Variants in NRG4 observed in about 807,000 individuals in gnomAD.
NRG4 encodes the protein neuregulin 4.
In NRG4, 10 loss-of-function variants were observed where a neutral mutation model predicts 15.0. The observed-to-expected ratio is 0.67, with a 90% CI of 0.41 to 1.13. The LOEUF is 1.13. Among genes scored for constraint, NRG4 ranks in the 50% most tolerant of loss-of-function variants. The pLI, the probability that NRG4 is intolerant of heterozygous loss-of-function variation, is 0.00. For synonymous variants in NRG4, 41 were observed against 50.1 expected (o/e 0.82, Z 0.77); for missense variants, 139 against 140.2 (o/e 0.99, Z 0.04).
chr15:76,059,076 T>G (rs1037409056), intron 1 of NRG4, among the ~76,000 whole-genome samples: 11 of 152,124 alleles, frequency 7.2e-5, no homozygotes, highest in African/African-American at 2.7e-4. Context: ...CAAGCACGGA[T>G]AACACATACA....
intron 4 of NRG4, among the ~76,000 whole-genome samples, chr15:76,047,133 T>G (rs1567127508): frequency 6.6e-6 from 1 of 150,542 alleles, no homozygotes; most frequent in Non-Finnish European, 1.5e-5. Flanking sequence ...AAGATACTGG[T>G]GGGGATGTAG....
At chr15:76,045,631 A>G (rs2035851960) in intron 4 of NRG4, among the ~76,000 whole-genome samples, 1 of 151,064 alleles carries the variant, frequency 6.6e-6, no homozygotes, top group South Asian at 2.1e-4. Flanking sequence ...TTGCAACAAC[A>G]TGGATGGAAC....
chr15:76,037,259 C>T (rs1222992444), intron 4 of NRG4, among the ~76,000 whole-genome samples: 2 of 152,132 alleles, frequency 1.3e-5, no homozygotes, highest in African/African-American at 4.8e-5. Context: ...GGTGAGCACT[C>T]ACAGCACCTG....
intron 3 of NRG4, among the ~76,000 whole-genome samples, chr15:76,005,311 G>C (rs954726585): frequency 2.7e-5 from 4 of 147,890 alleles, no homozygotes; most frequent in Admixed American, 6.8e-5. Context: ...GAGCCCAGGA[G>C]TTTGAGGTTG....
intron 3 of NRG4, among the ~76,000 whole-genome samples, chr15:75,980,108 A>G (rs2033545937): frequency 6.6e-6 from 1 of 152,210 alleles, no homozygotes; most frequent in African/African-American, 2.4e-5. Flanking sequence ...CAAAATACAT[A>G]TATGAGAAAG....
intron 1 of NRG4, among the ~76,000 whole-genome samples, chr15:76,058,076 T>C (rs544258267): frequency 6.6e-6 from 1 of 152,264 alleles, no homozygotes; most frequent in Non-Finnish European, 1.5e-5. Context: ...AAATCTTAAG[T>C]AGAGTTCTAC....
chr15:75,994,726 A>G (rs1223570096), intron 3 of NRG4, among the ~76,000 whole-genome samples: 2 of 152,256 alleles, frequency 1.3e-5, no homozygotes, highest in African/African-American at 4.8e-5. Flanking sequence ...AAGTACAAGA[A>G]TGGTATATTA....
chr15:76,022,704 A>G (rs1057214373), intron 5 of NRG4, among the ~76,000 whole-genome samples: 1 of 152,202 alleles, frequency 6.6e-6, no homozygotes, highest in African/African-American at 2.4e-5. Flanking sequence ...AAGAATAGAT[A>G]GTATAAAACA....
chr15:75,961,278 G>GTT (rs202038389), intron 4 of NRG4, among the ~76,000 whole-genome samples: 2 of 146,082 alleles, frequency 1.4e-5, no homozygotes, highest in East Asian at 3.9e-4. Flanking sequence ...CATGCAAGTA[G>GTT]TTTTTTTTTT....
intron 3 of NRG4, among the ~76,000 whole-genome samples, chr15:75,986,786 C>T (rs1051872167): frequency 6.6e-6 from 1 of 152,020 alleles, no homozygotes; most frequent in East Asian, 1.9e-4. Flanking sequence ...TGGTAACTAT[C>T]TTGGAGGCAA....
rs369843814 is a variant in NRG4, at chr15:75,941,998, AG to A, written c.*1639del. On this transcript the variant is annotated 3_prime_UTR_variant, in exon 6 of 6. Coordinates refer to ENST00000394907, the MANE Select transcript of NRG4 (RefSeq NM_138573.4). ...TTTTTTTTTTTTTTTTAAAAAGGGC[AG>A]GGGGTGGGGTATTTAGTCACAAGAC... 9.3e-5 allele frequency: 13 copies of A among 139,204 alleles called. No homozygotes were observed. The highest frequency in any genetic ancestry group is 3.4e-4 in the African/African-American group (13 of 38,252). 8.6% of individuals were successfully genotyped at this position (139,204 alleles called of 1,614,324 possible).
Position 75,943,474 on chromosome 15 carries a change from GCACA to G in NRG4, c.*160_*163del. On this transcript the variant is annotated 3_prime_UTR_variant, in exon 6 of 6. Transcript: ENST00000394907. ...CGATGGACTGATGCACATTACAGAAGCACACACACCTTGCAGCAGAATGGATTAT... is the reference window on the plus strand; with the variant it reads ...CGATGGACTGATGCACATTACAGAAGCACACCTTGCAGCAGAATGGATTAT... 1.7e-6 allele frequency: 1 copy of G among 597,532 alleles called. No homozygotes were observed. The highest frequency in any genetic ancestry group is 2.9e-5 in the East Asian group (1 of 34,676). The allele number at this position is 597,532 out of a possible 1,614,324, so 37.0% of individuals were successfully genotyped here. A position where few individuals can be genotyped will look rare whatever the true frequency, so the allele number is the denominator to read the frequency against.
chr15:75,940,099 A>C (rs1198945379), downstream of NRG4: 1 of 140,938 alleles, frequency 7.1e-6, no homozygotes, highest in East Asian at 2.0e-4. Context: ...AGACAACCCG[A>C]AAGATTCCAC....
intron 5 of NRG4, among the ~76,000 whole-genome samples, chr15:76,027,104 G>C (rs535785527): frequency 3.2e-4 from 48 of 152,202 alleles, no homozygotes; most frequent in African/African-American, 1.1e-3. Flanking sequence ...CTGAGGGACA[G>C]AGCGGGACTC....
intron 4 of NRG4, among the ~76,000 whole-genome samples, chr15:76,038,745 C>T (rs1324179784): frequency 6.6e-6 from 1 of 152,120 alleles, no homozygotes; most frequent in East Asian, 1.9e-4. Flanking sequence ...ACTGTAGAGC[C>T]CTAGGGCTTT....
At chr15:75,956,763 G>A (rs1166963089) in intron 4 of NRG4, among the ~76,000 whole-genome samples, 2 of 152,072 alleles carry the variant, frequency 1.3e-5, no homozygotes, top group Non-Finnish European at 2.9e-5. Flanking sequence ...AAGTTCAAAA[G>A]GACCTCAGTT....
At chr15:75,961,732 T>C (rs2032529454) in intron 4 of NRG4, 96 bp downstream of exon 4, 2 of 859,214 alleles carry the variant, frequency 2.3e-6, no homozygotes, top group Admixed American at 2.4e-5. Context: ...ATACAGTATC[T>C]GGAAAAATAT....
At chr15:75,950,420 A>T (rs926108413) in intron 5 of NRG4, 4 of 217,136 alleles carry the variant, frequency 1.8e-5, no homozygotes, top group Admixed American at 8.5e-5. Context: ...CATAGCCAGG[A>T]TGCTGTGGCA....
intron 5 of NRG4, among the ~76,000 whole-genome samples, chr15:76,019,872 C>T (rs767720269): frequency 1.3e-5 from 2 of 152,206 alleles, no homozygotes; most frequent in African/African-American, 2.4e-5. Flanking sequence ...ATTATACAGA[C>T]ATATCTCATT....
Sources: gnomAD v4.1 joint callset for allele counts (sites outside exome capture counted in the v4.1 genomes callset) on GRCh38, gnomAD v4.1.1 for gene constraint, MANE v1.5 for transcripts, NCBI Gene and HGNC (gene_info 2026-07-23, HGNC 2026-07-21) for gene names.